The following ZNF804B variants were observed in gnomAD, a reference collection of about 807,000 sequenced individuals.
The protein encoded by ZNF804B is zinc finger protein 804B.
ZNF804B carries 80 observed loss-of-function variants against 101.4 expected under a neutral mutation model. The observed-to-expected ratio is 0.79, with a 90% confidence interval of 0.66 to 0.95. The LOEUF (loss-of-function observed/expected upper bound fraction) is 0.95, where lower values mean the gene tolerates loss of function less well. Ranked by LOEUF, ZNF804B falls within the 40% of genes least tolerant of loss-of-function variation. The probability of loss-of-function intolerance (pLI) is 0.00; values close to 1 mark genes in which losing one functional copy is unlikely to be tolerated. For missense variants in ZNF804B, 1,673 were observed against 1,561.9 expected, an observed-to-expected ratio of 1.07 and a Z score of -1.20; for synonymous variants, 622 against 558.8, an observed-to-expected ratio of 1.11 and a Z score of -1.59.
chr7:89,162,001 G>A (rs1791072242), intron 1 of ZNF804B, among the ~76,000 whole-genome samples: 1 of 152,056 alleles, frequency 6.6e-6, no homozygotes, highest in Non-Finnish European at 1.5e-5. Context: ...ATGAATAAGA[G>A]GAACATATTT....
At chr7:89,225,746 A>T (rs1319227162) in intron 2 of ZNF804B, among the ~76,000 whole-genome samples, 1 of 152,148 alleles carries the variant, frequency 6.6e-6, no homozygotes, top group Non-Finnish European at 1.5e-5. Context: ...AAAATATTTG[A>T]TCCCATATTA....
chr7:89,139,573 A>G (rs527921993), intron 1 of ZNF804B, among the ~76,000 whole-genome samples: 3 of 152,092 alleles, frequency 2.0e-5, no homozygotes, highest in South Asian at 2.1e-4. Flanking sequence ...CATTTCATCA[A>G]TGTTCACAGC....
intron 1 of ZNF804B, among the ~76,000 whole-genome samples, chr7:89,031,305 A>G (rs551878961): frequency 1.7e-4 from 25 of 151,382 alleles, no homozygotes; most frequent in African/African-American, 5.8e-4. Context: ...ACCTAGACTC[A>G]ATTACCCTTT....
rs1788970701 is a variant in ZNF804B, at chr7:89,220,045, G to GCGTATATA, written c.249+1751_249+1752insGTATATAC. On this transcript the variant is annotated intron_variant, in intron 2 of 3. Transcript: ENST00000333190. ...TACATATATATACGCACATATATGT[G>GCGTATATA]CATATATACATATATACGCACATAT... 2.1e-5 allele frequency among the ~76,000 whole-genome samples: 2 copies of GCGTATATA among 95,194 alleles called. 1 individual carries two copies. Among genetic ancestry groups the GCGTATATA allele is most frequent in the African/African-American group, 9.4e-5 (2 of 21,254 alleles). The allele number at this position is 95,194 out of a possible 152,430, so 62.5% of individuals were successfully genotyped here. A position where few individuals can be genotyped will look rare whatever the true frequency, so the allele number is the denominator to read the frequency against.
chr7:89,261,816 G>A (rs536740480), intron 2 of ZNF804B, among the ~76,000 whole-genome samples: 2 of 152,222 alleles, frequency 1.3e-5, no homozygotes, highest in South Asian at 2.1e-4. Context: ...ACAGTATTAT[G>A]GGACCATTGT....
chr7:88,932,659 A>T (rs2116023068), intron 1 of ZNF804B, among the ~76,000 whole-genome samples: 1 of 151,902 alleles, frequency 6.6e-6, no homozygotes, highest in South Asian at 2.1e-4. Flanking sequence ...GAGATGGGTA[A>T]ATTCCTGAAA....
chr7:89,011,740 G>C (rs1323334385), intron 1 of ZNF804B, among the ~76,000 whole-genome samples: 5 of 149,860 alleles, frequency 3.3e-5, no homozygotes, highest in Non-Finnish European at 7.5e-5. Flanking sequence ...GGGGAGCTCT[G>C]CCCCTATGTC....
chr7:89,164,422 T>G (rs1433290891), intron 1 of ZNF804B, among the ~76,000 whole-genome samples: 1 of 152,072 alleles, frequency 6.6e-6, no homozygotes, highest in Non-Finnish European at 1.5e-5. Flanking sequence ...TTAGGTGGAT[T>G]GGTATTTTGT....
intron 1 of ZNF804B, among the ~76,000 whole-genome samples, chr7:88,871,903 G>A (rs1005897244): frequency 1.3e-5 from 2 of 152,126 alleles, no homozygotes; most frequent in African/African-American, 4.8e-5. Flanking sequence ...GGGAAGTGGA[G>A]GTTGTGGTAA....
intron 1 of ZNF804B, among the ~76,000 whole-genome samples, chr7:88,963,548 C>A (rs933365742): frequency 6.6e-6 from 1 of 151,350 alleles, no homozygotes; most frequent in African/African-American, 2.4e-5. Context: ...AAAATCTAAA[C>A]ATATGAGTAA....
At chr7:89,016,130 G>C (rs1221628152) in intron 1 of ZNF804B, among the ~76,000 whole-genome samples, 2 of 151,960 alleles carry the variant, frequency 1.3e-5, no homozygotes, top group Non-Finnish European at 2.9e-5. Context: ...CTGCATAAAT[G>C]TCTTCTTTTG....
At chr7:88,775,764 A>G (rs1790132223) in intron 1 of ZNF804B, among the ~76,000 whole-genome samples, 2 of 152,352 alleles carry the variant, frequency 1.3e-5, no homozygotes, top group South Asian at 4.1e-4. Context: ...AGCATGTATG[A>G]CCACTGAAAT....
chr7:88,994,067 TATTG>T (rs1793885305), intron 1 of ZNF804B, among the ~76,000 whole-genome samples: 1 of 152,004 alleles, frequency 6.6e-6, no homozygotes, highest in African/African-American at 2.4e-5. Context: ...AGTTTTTCCT[TATTG>T]ATTCTTCATC....
intron 1 of ZNF804B, chr7:88,795,493 C>T (rs1304914196): frequency 1.3e-5 from 2 of 151,994 alleles, no homozygotes; most frequent in Non-Finnish European, 2.9e-5. Flanking sequence ...TTTCTCCTAT[C>T]GACGAATCTC....
chr7:88,838,725 C>A (rs1034259698), intron 1 of ZNF804B, among the ~76,000 whole-genome samples: 9 of 151,794 alleles, frequency 5.9e-5, no homozygotes, highest in African/African-American at 1.7e-4. Flanking sequence ...ACTCTTTGTG[C>A]CTTTGTTTCT....
At chr7:89,213,814 A>G (rs563375170) in intron 1 of ZNF804B, among the ~76,000 whole-genome samples, 4 of 152,332 alleles carry the variant, frequency 2.6e-5, no homozygotes, top group African/African-American at 2.4e-5. Context: ...ATATCTTTAA[A>G]TGAGATAATA....
At chr7:89,023,887 G>T (rs550739538) in intron 1 of ZNF804B, among the ~76,000 whole-genome samples, 3 of 152,258 alleles carry the variant, frequency 2.0e-5, no homozygotes, top group Admixed American at 2.0e-4. Context: ...TTTTCCCACA[G>T]AATAGGAAGT....
chr7:89,148,608 T>C (rs1341654645), intron 1 of ZNF804B, among the ~76,000 whole-genome samples: 3 of 152,082 alleles, frequency 2.0e-5, no homozygotes, highest in Non-Finnish European at 2.9e-5. Flanking sequence ...ATAAAGCTAA[T>C]TTGAAAATTA....
At chr7:89,220,177 G>GCGTA (rs373110832) in intron 2 of ZNF804B, among the ~76,000 whole-genome samples, 2,087 of 31,292 alleles carry the variant, frequency 0.067, 398 homozygotes, top group African/African-American at 0.11. Flanking sequence ...ATATATATGT[G>GCGTA]TGTATATATA....
Sources: gnomAD v4.1 joint callset for allele counts (sites outside exome capture counted in the v4.1 genomes callset) on GRCh38, gnomAD v4.1.1 for gene constraint, MANE v1.5 for transcripts, NCBI Gene and HGNC (gene_info 2026-07-23, HGNC 2026-07-21) for gene names.